AUTS2: variants seen among roughly 807,000 people sequenced by gnomAD.
AUTS2 encodes autism susceptibility gene 2 protein.
In AUTS2, 17 loss-of-function variants were observed where a neutral mutation model predicts 112.4. That is an observed-to-expected ratio of 0.15 (90% CI 0.10 to 0.23). The LOEUF (loss-of-function observed/expected upper bound fraction) is 0.23. AUTS2 is among the 10% of genes least tolerant of loss of function. The pLI is 1.00. For synonymous variants in AUTS2, 751 were observed against 702.7 expected, an observed-to-expected ratio of 1.07 and a Z score of -1.09; for missense variants, 1,510 against 1,701.6, an observed-to-expected ratio of 0.89 and a Z score of 1.98.
intron 5 of AUTS2, among the ~76,000 whole-genome samples, chr7:70,567,796 G>A (rs1309797060): frequency 6.6e-6 from 1 of 152,156 alleles, no homozygotes; most frequent in Non-Finnish European, 1.5e-5. Context: ...CTGCACTAAG[G>A]GCGCTCCTCC....
rs569916197 is a variant in AUTS2 at position 70,047,669 on chromosome 7, C to T, written c.523-70463C>T. 1.4e-4 allele frequency among the ~76,000 whole-genome samples: 21 copies of T among 152,160 alleles called. No individual in the cohort carries two copies. In the South Asian group the frequency reaches 4.2e-3, roughly 30 times the overall value. The stretch of plus-strand genomic sequence containing the variant: ...ATCACTCTTAGTATTGGTATTGGGA[C>T]ATAGATGGTATAATAACAAGGAGAG... On this transcript the variant is annotated intron_variant, in intron 2 of 18. Coordinates refer to ENST00000342771, the MANE Select transcript of AUTS2 (RefSeq NM_015570.4).
intron 2 of AUTS2, among the ~76,000 whole-genome samples, chr7:69,901,459 T>C (rs1794968265): frequency 6.6e-6 from 1 of 152,268 alleles, no homozygotes; most frequent in Non-Finnish European, 1.5e-5. Flanking sequence ...TTCAAGGTCC[T>C]CTGGTGACAG....
At chr7:69,954,172 C>T (rs748568555) in intron 2 of AUTS2, among the ~76,000 whole-genome samples, 8 of 152,080 alleles carry the variant, frequency 5.3e-5, no homozygotes, top group African/African-American at 9.7e-5. Flanking sequence ...ACATAGTTAC[C>T]GCTTTTCTTT....
chr7:70,158,039 C>T (rs1306160198), intron 4 of AUTS2, among the ~76,000 whole-genome samples: 1 of 152,174 alleles, frequency 6.6e-6, no homozygotes, highest in East Asian at 1.9e-4. Context: ...TTGTAGTGGT[C>T]ATGGCGGGGG....
chr7:70,569,375 C>G (rs963757274), intron 5 of AUTS2, among the ~76,000 whole-genome samples: 1 of 152,194 alleles, frequency 6.6e-6, no homozygotes, highest in African/African-American at 2.4e-5. Context: ...AATTCTTGCC[C>G]ATAAAGCCGA....
At chr7:70,749,315 T>C (rs555130829) in intron 6 of AUTS2, among the ~76,000 whole-genome samples, 1 of 152,032 alleles carries the variant, frequency 6.6e-6, no homozygotes, top group African/African-American at 2.4e-5. Context: ...GTAGAACAGC[T>C]CTGTGCAAAC....
intron 1 of AUTS2, among the ~76,000 whole-genome samples, chr7:69,652,626 G>A (rs1795345897): frequency 6.6e-6 from 1 of 151,874 alleles, no homozygotes; most frequent in Non-Finnish European, 1.5e-5. Context: ...AAATATTCTT[G>A]TTGTCACAGG....
intron 5 of AUTS2, among the ~76,000 whole-genome samples, chr7:70,613,477 G>C (rs1804201110): frequency 6.6e-6 from 1 of 152,146 alleles, no homozygotes; most frequent in Non-Finnish European, 1.5e-5. Context: ...GTTAGGGATT[G>C]ACCCTGGTGA....
chr7:70,506,754 C>T (rs1457346604), intron 5 of AUTS2, among the ~76,000 whole-genome samples: 5 of 152,214 alleles, frequency 3.3e-5, no homozygotes, highest in Non-Finnish European at 5.9e-5. Flanking sequence ...CAAATGTAAG[C>T]GTCTAACAGG....
At chr7:69,697,918 A>G (rs971549744) in intron 1 of AUTS2, among the ~76,000 whole-genome samples, 1 of 152,190 alleles carries the variant, frequency 6.6e-6, no homozygotes, top group East Asian at 1.9e-4. Context: ...TAGATCAGAC[A>G]TTTTGTGATA....
At chr7:70,320,516 C>G (rs568122069) in intron 4 of AUTS2, among the ~76,000 whole-genome samples, 1 of 152,216 alleles carries the variant, frequency 6.6e-6, no homozygotes, top group Non-Finnish European at 1.5e-5. Flanking sequence ...AGATTCAGAA[C>G]ACTTACTTAT....
At chr7:70,718,595 C>T (rs1435589057) in intron 6 of AUTS2, among the ~76,000 whole-genome samples, 7 of 152,060 alleles carry the variant, frequency 4.6e-5, no homozygotes, top group African/African-American at 9.7e-5. Context: ...CCTGGGAAGC[C>T]GTGGTTGCAG....
chr7:70,466,757 G>T (rs114103448), intron 5 of AUTS2, among the ~76,000 whole-genome samples: 2 of 152,166 alleles, frequency 1.3e-5, no homozygotes, highest in South Asian at 4.1e-4. Context: ...GTGTGTGCAG[G>T]CATGTACAGT....
intron 2 of AUTS2, among the ~76,000 whole-genome samples, chr7:69,979,621 T>C (rs1185934864): frequency 2.6e-5 from 4 of 152,202 alleles, no homozygotes; most frequent in Non-Finnish European, 4.4e-5. Flanking sequence ...GATTCCAGAT[T>C]ACCTCATAAG....
intron 1 of AUTS2, among the ~76,000 whole-genome samples, chr7:69,867,406 A>G (rs971602504): frequency 9.2e-5 from 14 of 152,234 alleles, no homozygotes; most frequent in African/African-American, 3.1e-4. Context: ...ATCACATTTA[A>G]TAGGAAGATG....
At chr7:69,716,832 A>T (rs903811669) in intron 1 of AUTS2, among the ~76,000 whole-genome samples, 4 of 152,030 alleles carry the variant, frequency 2.6e-5, no homozygotes, top group South Asian at 2.1e-4. Context: ...GGGGGGAAAA[A>T]TTTGCTTATG....
At chr7:70,156,697 G>C (rs1371489337) in intron 4 of AUTS2, among the ~76,000 whole-genome samples, 1 of 151,618 alleles carries the variant, frequency 6.6e-6, no homozygotes, top group Admixed American at 6.6e-5. Flanking sequence ...TTTGTGCTTA[G>C]GGAACAATTT....
At chr7:70,785,179 T>A (rs1791367282) in intron 16 of AUTS2, among the ~76,000 whole-genome samples, 160 bp downstream of exon 16, 1 of 152,236 alleles carries the variant, frequency 6.6e-6, no homozygotes, top group Non-Finnish European at 1.5e-5. Context: ...TTTCAGTACA[T>A]CCCGTCCAGC....
chr7:70,764,479 C>T (rs1789780391), intron 7 of AUTS2, among the ~76,000 whole-genome samples: 1 of 151,942 alleles, frequency 6.6e-6, no homozygotes, highest in Admixed American at 6.6e-5. Flanking sequence ...CGAGAGAGGC[C>T]CTGAGGTTTA....
Sources: allele counts gnomAD v4.1 joint callset (sites outside exome capture counted in the v4.1 genomes callset), GRCh38; gene constraint gnomAD v4.1.1; transcripts MANE v1.5; gene names NCBI Gene and HGNC (gene_info 2026-07-23, HGNC 2026-07-21).